The following F11 variants were observed in gnomAD, a reference collection of about 807,000 sequenced individuals.
F11 encodes the protein coagualtion factor XI.
A neutral mutation model predicts 76.5 loss-of-function variants in F11; 78 were observed. The ratio of observed to expected loss-of-function variants is 1.02; its 90% CI spans 0.85 to 1.23. The LOEUF (loss-of-function observed/expected upper bound fraction) is 1.23. Ranked by LOEUF, F11 falls within the 50% of genes most tolerant of loss-of-function variation. The pLI is 0.00. For missense variants in F11, 742 were observed against 771.4 expected (o/e 0.96, Z 0.45); for synonymous variants, 278 against 276.3 (o/e 1.01, Z -0.06).
Position 186,280,492 on chromosome 4 carries a change from G to A in F11, c.1047G>A (p.Lys349=). ...ACTGCAGGGGCAAGTGTTACTTAAA[G>A]CTTTCTTCAAACGGATCTCCAACTA... ...CNEGKGKCYL[K]LSSNGSPTKI... is the part of the protein sequence containing the mutation. Residue 349 remains lysine (K), a synonymous_variant, in exon 10 of 15, where the codon AAG becomes AAA. Transcript: ENST00000403665. 3 of 1,614,172 alleles carry A rather than the reference G, an allele frequency of 1.9e-6. No individual in the cohort carries two copies. Among genetic ancestry groups the A allele is most frequent in the Non-Finnish European group, 2.5e-6 (3 of 1,180,030 alleles).
At chr4:186,284,998 T>G (rs1469800881) in intron 11 of F11, among the ~76,000 whole-genome samples, 2 of 152,118 alleles carry the variant, frequency 1.3e-5, no homozygotes, top group Admixed American at 1.3e-4. Flanking sequence ...ATCCTCACAT[T>G]GGATTCCTTA....
chr4:186,286,263 G>A, intron 12 of F11, 152 bp from the exon 13 acceptor site: 1 of 748,066 alleles, frequency 1.3e-6, no homozygotes. Context: ...ATATCGTGCT[G>A]AACCTGAGGG....
Position 186,283,854 on chromosome 4 carries a change from T to C in F11, c.1136-238T>C, listed in dbSNP as rs577824472. ...CATTTGAAGGAGGGTAAGACAGCCT[T>C]GTAGTACCACACAAGGAGGGCTACA... On this transcript the variant is annotated intron_variant, in intron 10 of 14. Transcript: ENST00000403665. Among the ~76,000 whole-genome samples, 162 of 152,336 alleles carry C rather than the reference T, an allele frequency of 1.1e-3. 5 individuals are homozygous for C. In the South Asian group the frequency reaches 0.032, roughly 30 times the overall value.
rs771874047 is a variant in F11, at chr4:186,280,021, T to C, written c.765T>C (p.Cys255=). The change falls in exon 8 of 15, where the codon TGT becomes TGC. Residue 255 remains cysteine (C), a synonymous_variant. Coordinates refer to ENST00000403665, the MANE Select transcript of F11 (RefSeq NM_000128.4). ...CTTTTGTTTTTGTTAGAAATCTTTG[T>C]CTCCTTAAAACATCTGAGAGTGGAT... The part of the protein sequence containing the change: ...EWPKESQRNL[C]LLKTSESGLP... 1.2e-6 allele frequency: 2 copies of C among 1,613,040 alleles called. No homozygotes were observed. Among genetic ancestry groups the C allele is most frequent in the South Asian group, 2.2e-5 (2 of 91,060 alleles).
At position 186,280,039 on chromosome 4, in the gene F11, G is replaced by C. The variant is rs201079681; in HGVS notation, c.783G>C (p.Glu261Asp). The change falls in exon 8 of 15, where the codon GAG becomes GAC. Residue 261 changes from glutamate (E) to aspartate (D), a missense_variant. By Grantham distance (45) the Glu-to-Asp change is conservative. Transcript: ENST00000403665. ...ATCTTTGTCTCCTTAAAACATCTGA[G>C]AGTGGATTGCCCAGTACACGCATTA... Reference protein sequence around the residue: ...QRNLCLLKTSESGLPSTRIKK... With the variant: ...QRNLCLLKTSDSGLPSTRIKK... 158 of 1,613,920 alleles carry C rather than the reference G, an allele frequency of 9.8e-5. No homozygotes were observed. Among genetic ancestry groups the C allele is most frequent in the Non-Finnish European group, 1.2e-4 (141 of 1,179,924 alleles).
chr4:186,269,210 A>T (rs1176843432), intron 2 of F11, among the ~76,000 whole-genome samples: 1 of 152,234 alleles, frequency 6.6e-6, no homozygotes, highest in Non-Finnish European at 1.5e-5. Context: ...AAGTTGATTT[A>T]ACATTCAAAA....
chr4:186,280,630 C>A, intron 10 of F11, 50 bp downstream of exon 10: 1 of 1,343,638 alleles, frequency 7.4e-7, no homozygotes, highest in Non-Finnish European at 1.1e-6. Flanking sequence ...TTATTCCATG[C>A]TTCATACATC....
intron 13 of F11, among the ~76,000 whole-genome samples, chr4:186,287,225 C>T (rs970021667): frequency 8.6e-5 from 13 of 151,818 alleles, no homozygotes; most frequent in Admixed American, 5.2e-4. Context: ...CCACCTGCCT[C>T]GGCCTTCCAA....
intron 3 of F11, among the ~76,000 whole-genome samples, chr4:186,272,020 T>C (rs1740010747): frequency 6.6e-6 from 1 of 152,230 alleles, no homozygotes; most frequent in Non-Finnish European, 1.5e-5. Flanking sequence ...TTTCTTCTGT[T>C]TGTCTCAATT....
In F11 at chr4:186,271,632, G is replaced by T; in HGVS notation, c.79G>T (p.Asp27Tyr). 6.2e-7 allele frequency: 1 copy of T among 1,614,168 alleles called. No homozygotes were observed. The highest frequency in any genetic ancestry group is 8.5e-7 in the Non-Finnish European group (1 of 1,180,018). ...AGAATGTGTGACTCAGTTGTTGAAG[G>T]ACACCTGCTTTGAAGGAGGGGACAT... ...SGECVTQLLK[D>Y]TCFEGGDITT... Residue 27 changes from aspartate (D) to tyrosine (Y), a missense_variant, in exon 3 of 15, where the codon GAC becomes TAC. By Grantham distance (160) the Asp-to-Tyr change is radical (BLOSUM62 -3). Transcript: ENST00000403665.
chr4:186,275,503 A>AG (rs1470219467), intron 5 of F11, among the ~76,000 whole-genome samples: 2 of 151,884 alleles, frequency 1.3e-5, no homozygotes, highest in Non-Finnish European at 2.9e-5. Flanking sequence ...TCAAATAAAA[A>AG]AAAACAAAAA....
intron 10 of F11, chr4:186,281,976 A>G (rs1013737853): frequency 2.3e-5 from 29 of 1,266,806 alleles, no homozygotes; most frequent in Non-Finnish European, 2.8e-5. Flanking sequence ...ATGGCTCAAG[A>G]CTTCTTAAAA....
At chr4:186,287,226 G>C (rs192173327) in intron 13 of F11, among the ~76,000 whole-genome samples, 1 of 151,470 alleles carries the variant, frequency 6.6e-6, no homozygotes, top group African/African-American at 2.4e-5. Context: ...CACCTGCCTC[G>C]GCCTTCCAAA....
At position 186,278,212 on chromosome 4, in the gene F11, C is replaced by CCTGTTGATGAAA. The variant is rs552255966; in HGVS notation, c.756-1800_756-1799insCTGTTGATGAAA. On this transcript the variant is annotated intron_variant, in intron 7 of 14. Transcript: ENST00000403665. ...TCTGAATTGGAACTCTCAGAGCCCT[C>CCTGTTGATGAAA]AGCACTTGCCTGATTGGCCTCCTGT... 4.6e-4 allele frequency among the ~76,000 whole-genome samples: 70 copies of CCTGTTGATGAAA among 152,320 alleles called. 1 individual carries two copies. The South Asian group carries it at 0.012, about 25-fold the overall frequency.
intron 2 of F11, among the ~76,000 whole-genome samples, chr4:186,267,491 CTAAT>C (rs1353306841): frequency 9.2e-5 from 14 of 152,284 alleles, no homozygotes; most frequent in African/African-American, 3.4e-4. Context: ...ATTTGCCTCA[CTAAT>C]TAGTTGGTTT....
Position 186,284,089 on chromosome 4 carries a change from C to T in F11, c.1136-3C>T, listed in dbSNP as rs909726151. 2 of 1,614,210 alleles carry T rather than the reference C, an allele frequency of 1.2e-6. No individual in the cohort carries two copies. The highest frequency in any genetic ancestry group is 1.7e-6 in the Non-Finnish European group (2 of 1,180,032). ...GCTGCTCATCACAATGCTTCTGTTG[C>T]AGAGTGTACCACCAAAATCAAGCCC... On this transcript the variant is annotated splice_polypyrimidine_tract_variant and splice_region_variant and intron_variant, in intron 10 of 14. Transcript: ENST00000403665.
At position 186,276,386 on chromosome 4, in the gene F11, C is replaced by T. The variant is rs754087775; in HGVS notation, c.751C>T (p.Gln251Ter). ...TTCCCAGGAATGGCCCAAAGAATCT[C>T]AAAGGTAAGGAGTTAACAAGTAAGG... ...FFSQEWPKES[Q>*]RNLCLLKTSE... The change falls in exon 7 of 15, where the codon CAA becomes TAA. Residue 251 changes from glutamine to a stop codon, truncating the protein, a stop_gained. Transcript: ENST00000403665. LOFTEE classifies it high-confidence loss of function. 1 of 1,613,948 alleles carries T rather than the reference C, an allele frequency of 6.2e-7. No homozygotes were observed. Among genetic ancestry groups the T allele is most frequent in the South Asian group, 1.1e-5 (1 of 91,074 alleles).
chr4:186,267,263 A>T, intron 2 of F11, 72 bp downstream of exon 2: 18 of 917,092 alleles, frequency 2.0e-5, no homozygotes, highest in Non-Finnish European at 2.9e-5. Flanking sequence ...CATGTGGGAG[A>T]ATCCCACACC....
intron 7 of F11, among the ~76,000 whole-genome samples, chr4:186,278,492 G>A (rs1740546077): frequency 6.6e-6 from 1 of 152,178 alleles, no homozygotes; most frequent in Non-Finnish European, 1.5e-5. Context: ...TTTGCCTATT[G>A]GACCAGAGTG....
Sources: allele counts gnomAD v4.1 joint callset (sites outside exome capture counted in the v4.1 genomes callset), GRCh38; gene constraint gnomAD v4.1.1; transcripts MANE v1.5; gene names NCBI Gene and HGNC (gene_info 2026-07-23, HGNC 2026-07-21).